The following PPARGC1B variants were observed in gnomAD, a reference collection of about 807,000 sequenced individuals.
The protein encoded by PPARGC1B is PPARG coactivator 1 beta.
In PPARGC1B, 34 loss-of-function variants were observed where a neutral mutation model predicts 101.6. That is an observed-to-expected ratio of 0.33 (90% confidence interval 0.25 to 0.45). The LOEUF (loss-of-function observed/expected upper bound fraction) is 0.45. Ranked by LOEUF, PPARGC1B falls within the 20% of genes least tolerant of loss-of-function variation. PPARGC1B has a pLI of 1.00. For missense variants in PPARGC1B, 1,234 were observed against 1,317.6 expected (o/e 0.94, Z 0.98); for synonymous variants, 548 against 539.3 (o/e 1.02, Z -0.22).
intron 1 of PPARGC1B, among the ~76,000 whole-genome samples, chr5:149,738,063 G>T (rs973099969): frequency 9.2e-5 from 14 of 152,216 alleles, no homozygotes; most frequent in Non-Finnish European, 1.8e-4. Context: ...TGTAACACAT[G>T]CCTGGCACAG....
At chr5:149,740,753 C>G (rs540371944) in intron 1 of PPARGC1B, among the ~76,000 whole-genome samples, 1 of 152,306 alleles carries the variant, frequency 6.6e-6, no homozygotes, top group African/African-American at 2.4e-5. Context: ...TAATAGTATG[C>G]TCTTTGTAGG....
intron 1 of PPARGC1B, among the ~76,000 whole-genome samples, chr5:149,741,625 T>TG (rs1754910489): frequency 7.2e-6 from 1 of 138,716 alleles, no homozygotes; most frequent in Non-Finnish European, 1.5e-5. Context: ...CCCAAAATAT[T>TG]CTTTTTTTTT....
At position 149,754,800 on chromosome 5, in the gene PPARGC1B, T is replaced by A. The variant is rs1215908957; in HGVS notation, c.78+24380T>A. Among the ~76,000 whole-genome samples, 9 of 82,976 alleles carry A rather than the reference T, an allele frequency of 1.1e-4. No homozygotes were observed. In the South Asian group the frequency reaches 2.3e-3, roughly 21 times the overall value. The allele number at this position is 82,976 out of a possible 152,430, so 54.4% of individuals were successfully genotyped here. A position where few individuals can be genotyped will look rare whatever the true frequency, so the allele number is the denominator to read the frequency against. ...TTTTTTTTTTTTTTTTTTTTTTTTT[T>A]AGACAGAGTCTTGCTCTGTCACCCA... is the stretch of plus-strand genomic sequence containing the variant. On this transcript the variant is annotated intron_variant, in intron 1 of 11. Transcript: ENST00000309241.
At chr5:149,784,056 T>G (rs953968333) in intron 1 of PPARGC1B, among the ~76,000 whole-genome samples, 4 of 152,038 alleles carry the variant, frequency 2.6e-5, no homozygotes, top group Admixed American at 2.0e-4. Flanking sequence ...CCCCTGCTTG[T>G]AGGCACCTCA....
chr5:149,784,598 C>T (rs1282192547), intron 1 of PPARGC1B, among the ~76,000 whole-genome samples: 9 of 122,454 alleles, frequency 7.3e-5, no homozygotes, highest in Non-Finnish European at 1.4e-4. Context: ...GGTGGAGTCT[C>T]GCTCTGTCGC....
At chr5:149,843,176 G>T (rs1011981139) in intron 10 of PPARGC1B, among the ~76,000 whole-genome samples, 4 of 152,018 alleles carry the variant, frequency 2.6e-5, no homozygotes, top group African/African-American at 9.7e-5. Flanking sequence ...AAAGGCCCCA[G>T]GCCTTTTGTT....
intron 1 of PPARGC1B, among the ~76,000 whole-genome samples, chr5:149,775,234 T>G (rs1237773488): frequency 3.3e-5 from 5 of 152,204 alleles, no homozygotes; most frequent in Non-Finnish European, 7.3e-5. Context: ...ATGCACATTT[T>G]TCTGTGGATC....
chr5:149,836,166 G>T, intron 7 of PPARGC1B, 97 bp from the exon 8 acceptor site: 2 of 1,044,926 alleles, frequency 1.9e-6, no homozygotes, highest in Middle Eastern at 2.3e-4. Context: ...TGGGATTATA[G>T]GTGTGAGCTA....
chr5:149,752,804 G>A (rs548882189), intron 1 of PPARGC1B, among the ~76,000 whole-genome samples: 130 of 152,302 alleles, frequency 8.5e-4, no homozygotes, highest in African/African-American at 2.9e-3. Flanking sequence ...ACTCCAGCCT[G>A]GGTGACAGAG....
intron 1 of PPARGC1B, among the ~76,000 whole-genome samples, chr5:149,794,561 C>A (rs1442821534): frequency 1.3e-5 from 2 of 150,692 alleles, no homozygotes; most frequent in Non-Finnish European, 2.9e-5. Flanking sequence ...CACATTCAAG[C>A]AAAATTCCCT....
At chr5:149,839,806 C>T (rs1327943695) in intron 8 of PPARGC1B, among the ~76,000 whole-genome samples, 1 of 152,128 alleles carries the variant, frequency 6.6e-6, no homozygotes, top group Non-Finnish European at 1.5e-5. Context: ...CAGTGGTTCC[C>T]GGTGATCCAG....
chr5:149,762,659 A>G (rs1274684290), intron 1 of PPARGC1B, among the ~76,000 whole-genome samples: 3 of 152,142 alleles, frequency 2.0e-5, no homozygotes, highest in Non-Finnish European at 2.9e-5. Context: ...TAATGCTTGT[A>G]TGTGTGGAAG....
chr5:149,823,142 A>G (rs1758369114), intron 2 of PPARGC1B, among the ~76,000 whole-genome samples: 1 of 152,130 alleles, frequency 6.6e-6, no homozygotes. Context: ...AAATATTTCT[A>G]GAGTAAGGCA....
intron 1 of PPARGC1B, among the ~76,000 whole-genome samples, chr5:149,792,674 C>T (rs1016798071): frequency 5.9e-5 from 9 of 152,096 alleles, no homozygotes; most frequent in Non-Finnish European, 1.0e-4. Context: ...ATTATTTTGA[C>T]GCTTAAAGAA....
chr5:149,790,582 A>G (rs1007674337), intron 1 of PPARGC1B, among the ~76,000 whole-genome samples: 4 of 152,056 alleles, frequency 2.6e-5, no homozygotes, highest in African/African-American at 7.2e-5. Context: ...CACAATTGAG[A>G]GAGATTCTGA....
At chr5:149,794,893 G>C (rs1354826246) in intron 1 of PPARGC1B, among the ~76,000 whole-genome samples, 1 of 152,234 alleles carries the variant, frequency 6.6e-6, no homozygotes, top group South Asian at 2.1e-4. Flanking sequence ...CTCCACTGGG[G>C]TCTGCAGTCA....
intron 1 of PPARGC1B, chr5:149,772,186 CT>C: frequency 6.2e-7 from 1 of 1,606,086 alleles, no homozygotes; most frequent in Non-Finnish European, 8.5e-7. Context: ...GTGGTGAAGG[CT>C]TTTTCTGTGA....
intron 1 of PPARGC1B, among the ~76,000 whole-genome samples, chr5:149,769,390 C>G (rs930839688): frequency 6.6e-6 from 1 of 152,206 alleles, no homozygotes; most frequent in Non-Finnish European, 1.5e-5. Context: ...TTATACTTTT[C>G]TCACTTACAA....
chr5:149,761,839 G>A (rs1755727132), intron 1 of PPARGC1B, among the ~76,000 whole-genome samples: 1 of 152,172 alleles, frequency 6.6e-6, no homozygotes, highest in Admixed American at 6.5e-5. Context: ...CATAGCAGGG[G>A]AGCACTGTGT....
Sources: allele counts gnomAD v4.1 joint callset (sites outside exome capture counted in the v4.1 genomes callset), GRCh38; gene constraint gnomAD v4.1.1; transcripts MANE v1.5; gene names NCBI Gene and HGNC (gene_info 2026-07-23, HGNC 2026-07-21).